The following KIAA1549 variants were observed in gnomAD, a reference collection of about 807,000 sequenced individuals.
KIAA1549 encodes KIAA1549, also known as UPF0606 protein KIAA1549.
Under a neutral mutation model 156.4 loss-of-function variants are expected in KIAA1549, and 70 were observed. That is an observed-to-expected ratio of 0.45 (90% CI 0.37 to 0.55). The LOEUF is 0.55. KIAA1549 is among the 20% of genes least tolerant of loss of function. KIAA1549 has a pLI of 0.00. For missense variants in KIAA1549, 2,428 were observed against 2,540.9 expected (o/e 0.96, Z 0.96); for synonymous variants, 1,103 against 1,066.4 (o/e 1.03, Z -0.67).
At chr7:138,926,257 G>A (rs1180511638) in intron 1 of KIAA1549, among the ~76,000 whole-genome samples, 1 of 151,780 alleles carries the variant, frequency 6.6e-6, no homozygotes, top group African/African-American at 2.4e-5. Context: ...CCCCAACTTC[G>A]CAATCTCCAG....
intron 5 of KIAA1549, among the ~76,000 whole-genome samples, chr7:138,907,570 A>G (rs577289562): frequency 1.3e-5 from 2 of 152,324 alleles, no homozygotes; most frequent in East Asian, 3.9e-4. Context: ...GCTCTGTGGC[A>G]GAGATCAGCA....
At chr7:138,842,018 G>C (rs921677891) in intron 18 of KIAA1549, among the ~76,000 whole-genome samples, 2 of 152,156 alleles carry the variant, frequency 1.3e-5, no homozygotes, top group Non-Finnish European at 2.9e-5. Context: ...GTCAGTTACT[G>C]AAAAATCCTA....
At chr7:138,840,112 A>T (rs373787134) in intron 19 of KIAA1549, 21 bp downstream of exon 19, 67 of 1,540,542 alleles carry the variant, frequency 4.3e-5, no homozygotes, top group Non-Finnish European at 5.5e-5. Flanking sequence ...TTAAATGATG[A>T]CCCAAACAGG....
chr7:138,901,943 G>A (rs1304417126), intron 8 of KIAA1549, among the ~76,000 whole-genome samples: 1 of 136,864 alleles, frequency 7.3e-6, no homozygotes, highest in African/African-American at 2.8e-5. Flanking sequence ...AAGAGAGCTT[G>A]CATGTCAAAT....
intron 1 of KIAA1549, among the ~76,000 whole-genome samples, chr7:138,939,194 A>G (rs1813103404): frequency 6.6e-6 from 1 of 152,202 alleles, no homozygotes; most frequent in South Asian, 2.1e-4. Flanking sequence ...AAGGACTTTA[A>G]AAAATTATAA....
rs766929892 is a variant in KIAA1549 at position 138,835,741 on chromosome 7, G to C, written c.*2165C>G. 1.4e-4 allele frequency: 30 copies of C among 219,070 alleles called. No homozygotes were observed. The highest frequency in any genetic ancestry group is 2.6e-4 in the Non-Finnish European group (28 of 109,316). 13.6% of individuals were successfully genotyped at this position (219,070 alleles called of 1,614,324 possible). On this transcript the variant is annotated 3_prime_UTR_variant, in exon 20 of 20. Transcript: ENST00000422774. Reference sequence around the variant, plus strand: ...AATCGTTCAATTTGGGAGGAGTCGGGTATTAAACCAAGACCAAGAGAAATT... The same window carrying C: ...AATCGTTCAATTTGGGAGGAGTCGGCTATTAAACCAAGACCAAGAGAAATT...
Position 138,837,310 on chromosome 7 carries a change from G to GTGA in KIAA1549, c.*593_*595dup, listed in dbSNP as rs1809740645. 1 of 228,530 alleles carries GTGA rather than the reference G, an allele frequency of 4.4e-6. No homozygotes were observed. The highest frequency in any genetic ancestry group is 6.3e-5 in the East Asian group (1 of 15,906). 14.2% of individuals were successfully genotyped at this position (228,530 alleles called of 1,614,324 possible). On this transcript the variant is annotated 3_prime_UTR_variant, in exon 20 of 20. Transcript: ENST00000422774. ...ACCAGAAGAAGGAGGAAGAATGCGG[G>GTGA]TGATGGCTTTGTTTGGAGTCATCAG...
In KIAA1549 at chr7:138,951,528, G is replaced by A. The variant is rs190626608; in HGVS notation, c.187+29555C>T. Reference sequence around the variant, plus strand: ...ACAGGCTGGCCCTGGCACTGCCTATGTCTGTCTCTGCAGTTCAGTGAGCTG... The same window carrying A: ...ACAGGCTGGCCCTGGCACTGCCTATATCTGTCTCTGCAGTTCAGTGAGCTG... On this transcript the variant is annotated intron_variant, in intron 1 of 19. Coordinates refer to ENST00000422774, the MANE Select transcript of KIAA1549 (RefSeq NM_001164665.2). Among the ~76,000 whole-genome samples the A allele has an allele frequency of 2.0e-5, 3 of 152,338 alleles. No homozygotes were observed. In the East Asian group the frequency reaches 5.8e-4, roughly 29 times the overall value.
At chr7:138,964,844 G>A (rs1563096284) in intron 1 of KIAA1549, among the ~76,000 whole-genome samples, 4 of 152,202 alleles carry the variant, frequency 2.6e-5, no homozygotes, top group Admixed American at 1.3e-4. Context: ...TTTAATATGT[G>A]CATACTGCCT....
intron 1 of KIAA1549, among the ~76,000 whole-genome samples, chr7:138,942,251 AC>A (rs1813206519): frequency 6.6e-6 from 1 of 152,192 alleles, no homozygotes; most frequent in Admixed American, 6.5e-5. Flanking sequence ...GCAGCTCTGT[AC>A]AAAAATTTTC....
At chr7:138,953,847 C>G (rs1396457929) in intron 1 of KIAA1549, among the ~76,000 whole-genome samples, 1 of 152,118 alleles carries the variant, frequency 6.6e-6, no homozygotes, top group Non-Finnish European at 1.5e-5. Context: ...ATTCTAAGAC[C>G]TGTTCTTTCA....
chr7:138,970,908 C>G (rs1814201537), intron 1 of KIAA1549, among the ~76,000 whole-genome samples: 1 of 152,074 alleles, frequency 6.6e-6, no homozygotes, highest in African/African-American at 2.4e-5. Context: ...GCACCCAACA[C>G]AGTAAGTGAT....
chr7:138,854,864 A>G (rs1810338905), intron 16 of KIAA1549, among the ~76,000 whole-genome samples: 1 of 152,224 alleles, frequency 6.6e-6, no homozygotes, highest in Non-Finnish European at 1.5e-5. Flanking sequence ...TGAACAAATA[A>G]GAGAAATAAC....
At chr7:138,928,952 A>G (rs942672896) in intron 1 of KIAA1549, among the ~76,000 whole-genome samples, 2 of 152,240 alleles carry the variant, frequency 1.3e-5, no homozygotes, top group Non-Finnish European at 2.9e-5. Flanking sequence ...AAAATACTTC[A>G]TTGTTAAAAA....
intron 5 of KIAA1549, among the ~76,000 whole-genome samples, chr7:138,908,385 G>A (rs1235578975): frequency 6.6e-6 from 1 of 152,224 alleles, no homozygotes; most frequent in Non-Finnish European, 1.5e-5. Flanking sequence ...AAATTCAGTA[G>A]AGGGATTGCA....
chr7:138,860,510 A>C (rs527688633), intron 16 of KIAA1549, among the ~76,000 whole-genome samples: 1 of 152,352 alleles, frequency 6.6e-6, no homozygotes, highest in South Asian at 2.1e-4. Context: ...TTAGCAGAAA[A>C]TAATGGTAGC....
At chr7:138,962,997 G>A (rs6467819) in intron 1 of KIAA1549, among the ~76,000 whole-genome samples, 32,739 of 152,094 alleles carry the variant, frequency 0.22, 4,157 homozygotes, top group African/African-American at 0.34. Flanking sequence ...AGTCACTTAC[G>A]TACAGAACAA....
In KIAA1549 at chr7:138,886,403, G is replaced by A. The variant is rs150088094; in HGVS notation, c.4033-4819C>T. On this transcript the variant is annotated intron_variant, in intron 10 of 19. Coordinates refer to ENST00000422774, the MANE Select transcript of KIAA1549 (RefSeq NM_001164665.2). ...AATCCTCCCACCTGAGCCTCCCAAG[G>A]AGCTGGGACCACAGACATGTGCCAT... 5.4e-3 allele frequency among the ~76,000 whole-genome samples: 816 copies of A among 152,032 alleles called. 3 individuals are homozygous for A. The highest frequency in any genetic ancestry group is 8.9e-3 in the Non-Finnish European group (605 of 67,994).
intron 16 of KIAA1549, among the ~76,000 whole-genome samples, chr7:138,859,807 C>T (rs1563052191): frequency 6.6e-6 from 1 of 152,182 alleles, no homozygotes; most frequent in Non-Finnish European, 1.5e-5. Flanking sequence ...GAAGGTAAAC[C>T]CAGCCTCTGT....
Sources: allele counts gnomAD v4.1 joint callset (sites outside exome capture counted in the v4.1 genomes callset), GRCh38; gene constraint gnomAD v4.1.1; transcripts MANE v1.5; gene names NCBI Gene and HGNC (gene_info 2026-07-23, HGNC 2026-07-21).